FAAH2: variants seen among roughly 807,000 people sequenced by gnomAD.
The protein encoded by FAAH2 is fatty-acid amide hydrolase 2.
Under a neutral mutation model 36.9 loss-of-function variants are expected in FAAH2, and 60 were observed. The ratio of observed to expected loss-of-function variants is 1.63; its 90% CI spans 1.32 to 2.02. The LOEUF (loss-of-function observed/expected upper bound fraction) is 2.02, where lower values mean the gene tolerates loss of function less well. FAAH2 is among the 30% of genes most tolerant of loss of function. The probability of loss-of-function intolerance (pLI) is 0.00; values close to 1 mark genes in which losing one functional copy is unlikely to be tolerated. For synonymous variants in FAAH2, 214 were observed against 143.8 expected (o/e 1.49, Z -3.49); for missense variants, 689 against 397.5 (o/e 1.73, Z -6.23).
At chrX:57,383,373 G>A (rs1035700049) in intron 7 of FAAH2, among the ~76,000 whole-genome samples, 1 of 111,920 alleles carries the variant, frequency 8.9e-6, no homozygotes. Context: ...CTAGAAAAGA[G>A]GAAGTCAAAT....
chrX:57,331,778 A>T lies in FAAH2; in HGVS notation c.593A>T (p.Asp198Val), dbSNP rs1176688941. 5 of 1,209,402 alleles carry T rather than the reference A, an allele frequency of 4.1e-6. No individual in the cohort carries two copies. The highest frequency in any genetic ancestry group is 5.6e-6 in the Non-Finnish European group (5 of 894,964). The part of the protein sequence containing the change: ...KIYGRSNNPY[D>V]LQHIVGGSSG... Reference sequence around the variant, plus strand: ...TATGGCCGATCAAACAACCCATATGATTTACAGCATATTGTAGGTGGAAGT... The same window carrying T: ...TATGGCCGATCAAACAACCCATATGTTTTACAGCATATTGTAGGTGGAAGT... The change falls in exon 4 of 11, where the codon GAT (aspartate) becomes GTT (valine). Residue 198 changes from aspartate to valine, a missense_variant. Coordinates refer to ENST00000374900, the MANE Select transcript of FAAH2 (RefSeq NM_174912.4).
intron 10 of FAAH2, among the ~76,000 whole-genome samples, chrX:57,462,762 C>T (rs764110012): frequency 7.0e-4 from 79 of 112,390 alleles, no homozygotes; most frequent in African/African-American, 2.1e-3. Context: ...ACAAGGATGC[C>T]GTCTCTCACC....
intron 10 of FAAH2, among the ~76,000 whole-genome samples, chrX:57,476,378 C>A (rs941237834): frequency 3.6e-5 from 4 of 110,933 alleles, no homozygotes; most frequent in Admixed American, 1.9e-4. Flanking sequence ...TCCATCAATA[C>A]CTAGTTTATT....
the FAAH2 span, among the ~76,000 whole-genome samples, chrX:57,129,961 G>A: frequency 1.8e-5 from 2 of 112,245 alleles, no homozygotes; most frequent in African/African-American, 6.5e-5. Context: ...TACATTTCAT[G>A]TATCTTCCAT....
At chrX:57,352,128 A>C (rs1341455017) in intron 5 of FAAH2, among the ~76,000 whole-genome samples, 1 of 72,578 alleles carries the variant, frequency 1.4e-5, no homozygotes, top group Non-Finnish European at 2.5e-5. Context: ...ATGCACATAT[A>C]TATATATGTG....
At chrX:57,443,428 G>C (rs1305281532) in intron 8 of FAAH2, among the ~76,000 whole-genome samples, 2 of 112,006 alleles carry the variant, frequency 1.8e-5, no homozygotes, top group Non-Finnish European at 3.8e-5. Flanking sequence ...CATTCATCAC[G>C]TAGTTCTCGT....
chrX:57,194,405 C>T, the FAAH2 span, among the ~76,000 whole-genome samples: 1 of 110,493 alleles, frequency 9.1e-6, no homozygotes. Flanking sequence ...GATTTTCTTT[C>T]TCTTTTTTTC....
chrX:57,441,486 C>T (rs1210209039), intron 8 of FAAH2, among the ~76,000 whole-genome samples: 1 of 110,278 alleles, frequency 9.1e-6, no homozygotes, highest in South Asian at 3.8e-4. Context: ...TTTGATTCCT[C>T]TCTCTTTTCT....
chrX:57,416,727 G>T (rs1022264532), intron 7 of FAAH2, among the ~76,000 whole-genome samples: 11 of 111,487 alleles, frequency 9.9e-5, no homozygotes. Context: ...TTTTTGAGGA[G>T]TATCTTTGTG....
intron 1 of FAAH2, among the ~76,000 whole-genome samples, chrX:57,288,334 A>ATTTTTTTTTTTTTTTTTTTTTT (rs1393972572): frequency 1.6e-5 from 1 of 61,176 alleles, no homozygotes; most frequent in African/African-American, 7.9e-5. Context: ...TCTTAAAAAC[A>ATTTTTTTTTTTTTTTTTTTTTT]TTTCTTTTTT....
At chrX:57,213,809 G>A in the FAAH2 span, among the ~76,000 whole-genome samples, 1 of 111,694 alleles carries the variant, frequency 9.0e-6, no homozygotes, top group African/African-American at 3.3e-5. Context: ...TGCAGCTGTT[G>A]AATAGAATTG....
chrX:57,157,649 T>G, the FAAH2 span, among the ~76,000 whole-genome samples: 266 of 111,438 alleles, frequency 2.4e-3, 1 homozygote, highest in Non-Finnish European at 4.2e-3. Context: ...ATGCATTTTT[T>G]CTTATATTTA....
At chrX:57,236,107 G>A in the FAAH2 span, among the ~76,000 whole-genome samples, 1 of 111,728 alleles carries the variant, frequency 9.0e-6, no homozygotes, top group African/African-American at 3.3e-5. Flanking sequence ...TTTTCTTTCT[G>A]TGCCTCGCTT....
chrX:57,388,841 T>C (rs745370783), intron 7 of FAAH2, among the ~76,000 whole-genome samples: 1 of 111,135 alleles, frequency 9.0e-6, no homozygotes, highest in East Asian at 2.8e-4. Flanking sequence ...TAATATCATA[T>C]ATTTAGAATC....
chrX:57,245,095 A>T, the FAAH2 span, among the ~76,000 whole-genome samples: 1 of 111,920 alleles, frequency 8.9e-6, no homozygotes, highest in African/African-American at 3.2e-5. Flanking sequence ...TCGCTGAAAA[A>T]AACAGACTTT....
the FAAH2 span, among the ~76,000 whole-genome samples, chrX:57,257,542 G>A: frequency 2.7e-5 from 3 of 109,586 alleles, no homozygotes; most frequent in African/African-American, 1.0e-4. Context: ...ATTGCCTGTC[G>A]GGGGGTGGGG....
At chrX:57,454,029 C>T (rs966909714) in intron 10 of FAAH2, among the ~76,000 whole-genome samples, 1 of 110,809 alleles carries the variant, frequency 9.0e-6, no homozygotes, top group African/African-American at 3.3e-5. Flanking sequence ...GGGGCTCCTC[C>T]AAAGCCCAGG....
chrX:57,287,394 G>A (rs1207472939), intron 1 of FAAH2, among the ~76,000 whole-genome samples: 1 of 110,302 alleles, frequency 9.1e-6, no homozygotes, highest in Non-Finnish European at 1.9e-5. Context: ...TCTCTCACAG[G>A]CCCCAGATCA....
Position 57,339,778 on chromosome X carries a change from G to A in FAAH2, c.623-1493G>A, listed in dbSNP as rs770286005. 4.5e-5 allele frequency among the ~76,000 whole-genome samples: 5 copies of A among 111,913 alleles called. No individual in the cohort carries two copies. In the South Asian group the frequency reaches 1.5e-3, roughly 33 times the overall value. On this transcript the variant is annotated intron_variant, in intron 4 of 10. Coordinates refer to ENST00000374900, the MANE Select transcript of FAAH2 (RefSeq NM_174912.4). ...ATGCTAGCTAGCTTGCAGAGAAAAAGGAATGTTTTACACAGTTGTTGGGAA... is the reference window on the plus strand; with the variant it reads ...ATGCTAGCTAGCTTGCAGAGAAAAAAGAATGTTTTACACAGTTGTTGGGAA...
Sources: gnomAD v4.1 joint callset for allele counts (sites outside exome capture counted in the v4.1 genomes callset) on GRCh38, gnomAD v4.1.1 for gene constraint, MANE v1.5 for transcripts, NCBI Gene and HGNC (gene_info 2026-07-23, HGNC 2026-07-21) for gene names.